Variants in DCC observed in about 807,000 individuals in gnomAD.
DCC encodes the protein DCC netrin 1 receptor, also known as netrin receptor DCC.
In DCC, 58 loss-of-function variants were observed where a neutral mutation model predicts 172.5. That is an observed-to-expected ratio of 0.34 (90% confidence interval 0.27 to 0.42). The LOEUF is 0.42. DCC is among the 10% of genes least tolerant of loss of function. DCC has a pLI of 1.00. For missense variants in DCC, 1,740 were observed against 1,791.0 expected (o/e 0.97, Z 0.51); for synonymous variants, 709 against 644.5 (o/e 1.10, Z -1.52).
chr18:52,807,532 ATTAG>A (rs56147866), intron 2 of DCC, among the ~76,000 whole-genome samples: 87,330 of 151,718 alleles, frequency 0.58, 28,528 homozygotes, highest in East Asian at 0.85. Flanking sequence ...AAGCACAGCT[ATTAG>A]TTTAGTAATG....
intron 14 of DCC, among the ~76,000 whole-genome samples, chr18:53,337,173 C>G (rs2057601273): frequency 6.6e-6 from 1 of 152,176 alleles, no homozygotes; most frequent in African/African-American, 2.4e-5. Context: ...AGTTACTGTT[C>G]TGAAAACATT....
chr18:53,011,131 C>T (rs1020338467), intron 5 of DCC, among the ~76,000 whole-genome samples: 1 of 151,234 alleles, frequency 6.6e-6, no homozygotes, highest in Non-Finnish European at 1.5e-5. Flanking sequence ...TGACTGAAAG[C>T]AAAAACAAGA....
chr18:52,812,939 G>T (rs2038228315), intron 2 of DCC, among the ~76,000 whole-genome samples: 2 of 152,230 alleles, frequency 1.3e-5, no homozygotes, highest in Admixed American at 1.3e-4. Flanking sequence ...CAATCAGGCA[G>T]AAACCCTAGT....
intron 2 of DCC, among the ~76,000 whole-genome samples, chr18:52,854,906 G>GC (rs1047573380): frequency 1.3e-5 from 2 of 152,136 alleles, no homozygotes; most frequent in African/African-American, 4.8e-5. Flanking sequence ...GAGATAATTG[G>GC]CCCCCACAGG....
chr18:52,856,104 A>C (rs1464078692), intron 2 of DCC, among the ~76,000 whole-genome samples: 1 of 152,060 alleles, frequency 6.6e-6, no homozygotes, highest in Non-Finnish European at 1.5e-5. Flanking sequence ...TTTAATAATG[A>C]ATAAAGGTGA....
At chr18:53,063,275 T>C (rs778804547) in intron 5 of DCC, 30 bp from the exon 6 acceptor site, 5 of 1,611,256 alleles carry the variant, frequency 3.1e-6, no homozygotes, top group Non-Finnish European at 4.2e-6. Context: ...CCCCACCCAC[T>C]CACTCACTTT....
At chr18:52,887,705 A>AT (rs142121904) in intron 2 of DCC, among the ~76,000 whole-genome samples, 446 of 152,232 alleles carry the variant, frequency 2.9e-3, no homozygotes, top group African/African-American at 9.7e-3. Flanking sequence ...ACTTCTAGAT[A>AT]TTTTTTCCCT....
chr18:52,767,663 C>CATTTTTCCCAAGTCTT (rs2037275036), intron 2 of DCC, among the ~76,000 whole-genome samples: 1 of 152,136 alleles, frequency 6.6e-6, no homozygotes, highest in South Asian at 2.1e-4. Context: ...AACACTAAGC[C>CATTTTTCCCAAGTCTT]ATTTTTCCCA....
intron 27 of DCC, among the ~76,000 whole-genome samples, chr18:53,516,508 C>G (rs1163911962): frequency 6.7e-6 from 1 of 149,330 alleles, no homozygotes; most frequent in Non-Finnish European, 1.5e-5. Flanking sequence ...TCAGAGTGAA[C>G]AGGCAACCTA....
chr18:52,386,483 T>G (rs1985804730), intron 1 of DCC, among the ~76,000 whole-genome samples: 1 of 152,118 alleles, frequency 6.6e-6, no homozygotes. Context: ...TTTATTTTCA[T>G]TCCTTTTCTG....
chr18:53,398,628 T>C (rs542397014), intron 18 of DCC, among the ~76,000 whole-genome samples: 1 of 152,056 alleles, frequency 6.6e-6, no homozygotes, highest in Admixed American at 6.6e-5. Context: ...GAAAGAGAAG[T>C]AGTAGTATTT....
At chr18:53,113,723 TA>T (rs902400061) in intron 7 of DCC, among the ~76,000 whole-genome samples, 8 of 146,916 alleles carry the variant, frequency 5.4e-5, no homozygotes, top group African/African-American at 2.0e-4. Context: ...CTTTTTTTTT[TA>T]AGAAATAGTA....
chr18:53,107,226 A>G (rs1344200716), intron 7 of DCC, among the ~76,000 whole-genome samples: 1 of 151,810 alleles, frequency 6.6e-6, no homozygotes, highest in Non-Finnish European at 1.5e-5. Context: ...AAAGTCTAAG[A>G]TTGAGTAGAG....
intron 5 of DCC, among the ~76,000 whole-genome samples, chr18:52,954,228 A>C (rs532083201): frequency 7.9e-5 from 12 of 152,328 alleles, no homozygotes; most frequent in African/African-American, 2.6e-4. Flanking sequence ...ACTTGTGGTT[A>C]AGCCTAGAAA....
chr18:53,088,641 G>T (rs569420979), intron 7 of DCC, among the ~76,000 whole-genome samples: 1 of 151,980 alleles, frequency 6.6e-6, no homozygotes. Flanking sequence ...TTTTTTGAAA[G>T]GATCAACAGA....
intron 2 of DCC, among the ~76,000 whole-genome samples, chr18:52,892,925 T>C (rs899500301): frequency 1.3e-5 from 2 of 152,170 alleles, no homozygotes; most frequent in African/African-American, 4.8e-5. Flanking sequence ...AAGTCTTTAA[T>C]CTAAATTATT....
chr18:53,053,257 C>T (rs901770978), intron 5 of DCC, among the ~76,000 whole-genome samples: 5 of 152,138 alleles, frequency 3.3e-5, no homozygotes, highest in African/African-American at 9.7e-5. Flanking sequence ...AGTGAGAATT[C>T]TTAGACTTTC....
chr18:53,213,705 C>G (rs1298912427), intron 11 of DCC, among the ~76,000 whole-genome samples: 1 of 119,804 alleles, frequency 8.3e-6, no homozygotes, highest in East Asian at 2.6e-4. Flanking sequence ...AATATTAAGA[C>G]ATTATTTCCA....
At chr18:52,909,104 A>C (rs983892391) in intron 3 of DCC, among the ~76,000 whole-genome samples, 3 of 152,168 alleles carry the variant, frequency 2.0e-5, no homozygotes, top group Admixed American at 6.5e-5. Flanking sequence ...TGAATGAATG[A>C]ATGAATGGCA....
Sources: gnomAD v4.1 joint callset for allele counts (sites outside exome capture counted in the v4.1 genomes callset) on GRCh38, gnomAD v4.1.1 for gene constraint, MANE v1.5 for transcripts, NCBI Gene and HGNC (gene_info 2026-07-23, HGNC 2026-07-21) for gene names.